The following SAMD3 variants were observed in gnomAD, a reference collection of about 807,000 sequenced individuals.
SAMD3 encodes sterile alpha motif domain containing 3.
A neutral mutation model predicts 58.5 loss-of-function variants in SAMD3; 63 were observed. That is an observed-to-expected ratio of 1.08 (90% CI 0.88 to 1.33). The LOEUF is 1.33. SAMD3 is among the 40% of genes most tolerant of loss of function. The pLI is 0.00. For synonymous variants in SAMD3, 220 were observed against 210.3 expected (o/e 1.05, Z -0.40); for missense variants, 604 against 608.4 (o/e 0.99, Z 0.08).
intron 2 of SAMD3, among the ~76,000 whole-genome samples, chr6:130,281,819 G>A (rs569991744): frequency 9.2e-5 from 14 of 151,964 alleles, no homozygotes; most frequent in East Asian, 5.9e-4. Context: ...AGGCTGAGGC[G>A]GGAGAATCAC....
At chr6:130,330,234 T>C (rs1333240003) in intron 1 of SAMD3, among the ~76,000 whole-genome samples, 1 of 152,028 alleles carries the variant, frequency 6.6e-6, no homozygotes, top group Non-Finnish European at 1.5e-5. Flanking sequence ...AAATTTGAGG[T>C]GGATAACAAA....
At chr6:130,362,583 G>A (rs1410751103) in intron 1 of SAMD3, among the ~76,000 whole-genome samples, 1 of 152,240 alleles carries the variant, frequency 6.6e-6, no homozygotes, top group Non-Finnish European at 1.5e-5. Flanking sequence ...TTGGAAGGGA[G>A]AGAGTATGGC....
intron 7 of SAMD3, among the ~76,000 whole-genome samples, chr6:130,181,847 TA>T (rs566593657): frequency 5.4e-5 from 8 of 148,440 alleles, no homozygotes; most frequent in East Asian, 2.0e-4. Context: ...AATGTAAATT[TA>T]AAAAAAAAAC....
At chr6:130,303,369 A>G (rs949376711) in intron 2 of SAMD3, among the ~76,000 whole-genome samples, 4 of 152,218 alleles carry the variant, frequency 2.6e-5, no homozygotes, top group African/African-American at 9.6e-5. Context: ...TCTGAACTAA[A>G]GCAGCTAGTG....
At chr6:130,259,844 A>C (rs1302077729) in intron 2 of SAMD3, among the ~76,000 whole-genome samples, 1 of 152,186 alleles carries the variant, frequency 6.6e-6, no homozygotes, top group Admixed American at 6.5e-5. Context: ...TAAAAACAAG[A>C]TATTGACATT....
At chr6:130,187,194 G>A (rs887010211) in intron 5 of SAMD3, among the ~76,000 whole-genome samples, 2 of 152,134 alleles carry the variant, frequency 1.3e-5, no homozygotes, top group African/African-American at 4.8e-5. Context: ...GCCGGGTCCA[G>A]GTTTTTGAAG....
chr6:130,221,927 A>C (rs1470996150), intron 1 of SAMD3, among the ~76,000 whole-genome samples: 1 of 152,264 alleles, frequency 6.6e-6, no homozygotes, highest in Non-Finnish European at 1.5e-5. Flanking sequence ...TATTTGTAAT[A>C]AAAATAATTA....
chr6:130,332,689 C>G (rs1776970402), intron 1 of SAMD3, among the ~76,000 whole-genome samples: 1 of 152,058 alleles, frequency 6.6e-6, no homozygotes, highest in African/African-American at 2.4e-5. Context: ...AAGGAGAAAA[C>G]TAGGAAATGA....
At chr6:130,251,904 C>T (rs1773750470) in intron 2 of SAMD3, among the ~76,000 whole-genome samples, 1 of 151,980 alleles carries the variant, frequency 6.6e-6, no homozygotes, top group South Asian at 2.1e-4. Context: ...GAGGGTTCTA[C>T]AGATGTGTTA....
At chr6:130,217,514 A>G (rs1796064625) in intron 1 of SAMD3, among the ~76,000 whole-genome samples, 2 of 152,236 alleles carry the variant, frequency 1.3e-5, no homozygotes, top group Admixed American at 6.5e-5. Context: ...TGTATTAAAT[A>G]TTAAAGGGCT....
chr6:130,192,269 G>T (rs1490309264), intron 5 of SAMD3, among the ~76,000 whole-genome samples: 1 of 152,228 alleles, frequency 6.6e-6, no homozygotes, highest in Non-Finnish European at 1.5e-5. Flanking sequence ...ATGGTCTGTA[G>T]TTCTATAAAC....
At chr6:130,343,974 C>CAAACG (rs10686988) in intron 1 of SAMD3, among the ~76,000 whole-genome samples, 7 of 146,800 alleles carry the variant, frequency 4.8e-5, no homozygotes, top group African/African-American at 1.8e-4. Flanking sequence ...TAAAAACAAA[C>CAAACG]AAAAAAAAAA....
chr6:130,180,964 T>TTTTTTTTTTTTTGTTG (rs1792269394), intron 7 of SAMD3, among the ~76,000 whole-genome samples: 1 of 147,160 alleles, frequency 6.8e-6, no homozygotes. Flanking sequence ...TTTTTTCTTT[T>TTTTTTTTTTTTTGTTG]GAGACGGAGT....
chr6:130,257,295 A>C (rs551631212), intron 2 of SAMD3, among the ~76,000 whole-genome samples: 1 of 152,272 alleles, frequency 6.6e-6, no homozygotes, highest in East Asian at 1.9e-4. Flanking sequence ...GAGAAAATAA[A>C]ATTCTGTTTT....
At chr6:130,230,955 T>G (rs2114878781) in intron 2 of SAMD3, among the ~76,000 whole-genome samples, 1 of 152,322 alleles carries the variant, frequency 6.6e-6, no homozygotes, top group East Asian at 1.9e-4. Context: ...CTCAGTGTCT[T>G]GCCCCTCAGT....
At chr6:130,186,435 A>G (rs910015714) in intron 5 of SAMD3, among the ~76,000 whole-genome samples, 2 of 152,096 alleles carry the variant, frequency 1.3e-5, no homozygotes, top group Non-Finnish European at 2.9e-5. Flanking sequence ...GGTCCCTACT[A>G]TATCAGTGGC....
intron 1 of SAMD3, among the ~76,000 whole-genome samples, chr6:130,316,752 G>A (rs1776388862): frequency 1.3e-5 from 2 of 152,170 alleles, no homozygotes; most frequent in African/African-American, 4.8e-5. Flanking sequence ...ACCCAGGAGG[G>A]TCTGAGGGAT....
At chr6:130,226,788 A>G (rs1027761964), upstream of SAMD3, among the ~76,000 whole-genome samples, 3 of 152,154 alleles carry the variant, frequency 2.0e-5, no homozygotes, top group African/African-American at 4.8e-5. Flanking sequence ...AGATCATGCC[A>G]TTGCACTCCA....
chr6:130,251,920 A>G (rs1177345243), intron 2 of SAMD3, among the ~76,000 whole-genome samples: 1 of 151,864 alleles, frequency 6.6e-6, no homozygotes, highest in East Asian at 1.9e-4. Context: ...TGTTAGGTCT[A>G]GTGAGTTTAT....
Sources: allele counts gnomAD v4.1 joint callset (sites outside exome capture counted in the v4.1 genomes callset), GRCh38; gene constraint gnomAD v4.1.1; transcripts MANE v1.5; gene names NCBI Gene and HGNC (gene_info 2026-07-23, HGNC 2026-07-21).